The following MALRD1 variants were observed in gnomAD, a reference collection of about 807,000 sequenced individuals.
The protein encoded by MALRD1 is MAM and LDL-receptor class A domain-containing protein 1.
A neutral mutation model predicts 242.1 loss-of-function variants in MALRD1; 247 were observed. The observed-to-expected ratio is 1.02, with a 90% CI of 0.92 to 1.13. The LOEUF (loss-of-function observed/expected upper bound fraction) is 1.13. MALRD1 is among the 50% of genes most tolerant of loss of function. The pLI, the probability that MALRD1 is intolerant of heterozygous loss-of-function variation, is 0.00. For synonymous variants in MALRD1, 995 were observed against 866.6 expected, an observed-to-expected ratio of 1.15 and a Z score of -2.60; for missense variants, 2,989 against 2,533.1, an observed-to-expected ratio of 1.18 and a Z score of -3.86.
At chr10:19,381,797 C>T (rs1181109341) in intron 26 of MALRD1, among the ~76,000 whole-genome samples, 1 of 151,920 alleles carries the variant, frequency 6.6e-6, no homozygotes, top group Admixed American at 6.6e-5. Flanking sequence ...CGAGATTACG[C>T]CACTGCACTC....
At chr10:19,465,791 C>T (rs554908060) in intron 29 of MALRD1, among the ~76,000 whole-genome samples, 10 of 152,150 alleles carry the variant, frequency 6.6e-5, no homozygotes, top group Non-Finnish European at 1.3e-4. Context: ...GCTTTGGCCT[C>T]CCAAAGTGCT....
intron 31 of MALRD1, among the ~76,000 whole-genome samples, chr10:19,508,245 AC>A (rs1833232205): frequency 6.6e-6 from 1 of 152,194 alleles, no homozygotes; most frequent in South Asian, 2.1e-4. Flanking sequence ...TACTGAATAG[AC>A]AAAAAAGCTT....
In MALRD1 at chr10:19,567,503, T is replaced by G. The variant is rs769447341; in HGVS notation, c.5480T>G (p.Val1827Gly). 1.1e-4 allele frequency: 176 copies of G among 1,549,954 alleles called. No individual in the cohort carries two copies. Among genetic ancestry groups the G allele is most frequent in the Non-Finnish European group, 9.7e-5 (111 of 1,146,614 alleles). The change falls in exon 33 of 40, where the codon GTG (valine) becomes GGG (glycine). Residue 1827 changes from valine to glycine, a missense_variant and splice_region_variant. Transcript: ENST00000454679. Reference sequence around the variant, plus strand: ...GTTATTTTTTAATGATTTTTAAAGGTGTATACCATTGAAGAATCGGGGCTA... The same window carrying G: ...GTTATTTTTTAATGATTTTTAAAGGGGTATACCATTGAAGAATCGGGGCTA... ...IDPRSMGILK[V>G]YTIEESGLNI...
At chr10:19,160,261 C>G (rs1029686832) in intron 12 of MALRD1, among the ~76,000 whole-genome samples, 1 of 150,152 alleles carries the variant, frequency 6.7e-6, no homozygotes, top group African/African-American at 2.5e-5. Context: ...TGCTGGATTA[C>G]ATTTATTGAT....
At chr10:19,679,847 T>C (rs1300695951) in intron 36 of MALRD1, among the ~76,000 whole-genome samples, 1 of 152,188 alleles carries the variant, frequency 6.6e-6, no homozygotes, top group East Asian at 1.9e-4. Flanking sequence ...TTCTGGTACA[T>C]TGTCCCTTTG....
At chr10:19,586,462 C>A (rs1349729426) in intron 33 of MALRD1, among the ~76,000 whole-genome samples, 1 of 152,126 alleles carries the variant, frequency 6.6e-6, no homozygotes, top group African/African-American at 2.4e-5. Context: ...CCCTCAGCTG[C>A]AGGTCTGTTG....
chr10:19,078,699 T>A (rs1835393293), intron 2 of MALRD1, among the ~76,000 whole-genome samples: 1 of 151,896 alleles, frequency 6.6e-6, no homozygotes, highest in Non-Finnish European at 1.5e-5. Flanking sequence ...ACTCTCTTGT[T>A]ACAATCTATT....
At chr10:19,272,237 G>T (rs1411381418) in intron 19 of MALRD1, among the ~76,000 whole-genome samples, 1 of 151,962 alleles carries the variant, frequency 6.6e-6, no homozygotes, top group Non-Finnish European at 1.5e-5. Flanking sequence ...ATTAATCATA[G>T]AAGTAGTGAT....
At chr10:19,594,439 AG>A (rs1009035815) in intron 33 of MALRD1, among the ~76,000 whole-genome samples, 1 of 152,192 alleles carries the variant, frequency 6.6e-6, no homozygotes, top group Admixed American at 6.6e-5. Context: ...GATGCCTTAA[AG>A]AACTAAAAGT....
At chr10:19,344,720 T>TGGG (rs71507279) in intron 24 of MALRD1, among the ~76,000 whole-genome samples, 1 of 142,558 alleles carries the variant, frequency 7.0e-6, no homozygotes. Flanking sequence ...CCATGTCAAT[T>TGGG]GGGGGGGGGG....
intron 14 of MALRD1, among the ~76,000 whole-genome samples, chr10:19,182,013 T>C (rs1835527292): frequency 1.3e-5 from 2 of 152,072 alleles, no homozygotes; most frequent in Admixed American, 1.3e-4. Context: ...AGGTAAGTCC[T>C]CAGCAGCAAT....
chr10:19,440,063 C>G (rs1834548494), intron 28 of MALRD1, among the ~76,000 whole-genome samples: 1 of 152,204 alleles, frequency 6.6e-6, no homozygotes, highest in Non-Finnish European at 1.5e-5. Context: ...CATCTTACCA[C>G]TGTCTGATTG....
intron 33 of MALRD1, among the ~76,000 whole-genome samples, chr10:19,581,325 C>A (rs541585070): frequency 6.7e-6 from 1 of 149,658 alleles, no homozygotes; most frequent in Non-Finnish European, 1.5e-5. Flanking sequence ...CCCACTAACT[C>A]GTCATCTAGC....
intron 36 of MALRD1, among the ~76,000 whole-genome samples, chr10:19,651,928 G>T (rs1840912115): frequency 6.6e-6 from 1 of 152,168 alleles, no homozygotes; most frequent in African/African-American, 2.4e-5. Flanking sequence ...GGAGAACAAG[G>T]CTTGGGGTCT....
chr10:19,598,512 G>A (rs1047121958), intron 34 of MALRD1: 1 of 151,482 alleles, frequency 6.6e-6, no homozygotes, highest in African/African-American at 2.4e-5. Flanking sequence ...TTTCTAATTT[G>A]GACATCAGGT....
chr10:19,677,668 A>G (rs530707371), intron 36 of MALRD1, among the ~76,000 whole-genome samples: 30 of 152,172 alleles, frequency 2.0e-4, no homozygotes, highest in Non-Finnish European at 3.1e-4. Flanking sequence ...GCTCTTTAGT[A>G]TAATTAGATC....
intron 2 of MALRD1, among the ~76,000 whole-genome samples, chr10:19,078,528 C>T (rs1835387941): frequency 6.6e-6 from 1 of 151,782 alleles, no homozygotes; most frequent in African/African-American, 2.4e-5. Context: ...TTAAGGTAAT[C>T]GTGGCCTTAT....
chr10:19,645,073 T>G (rs1362810220), intron 36 of MALRD1, among the ~76,000 whole-genome samples: 1 of 152,220 alleles, frequency 6.6e-6, no homozygotes, highest in Non-Finnish European at 1.5e-5. Flanking sequence ...ATTTTCTCAT[T>G]TTCATAGTGT....
At chr10:19,487,680 C>T (rs1394046167) in intron 29 of MALRD1, among the ~76,000 whole-genome samples, 2 of 152,120 alleles carry the variant, frequency 1.3e-5, no homozygotes, top group Non-Finnish European at 2.9e-5. Flanking sequence ...TGTCCACATA[C>T]TGCCCTAGGG....
Sources: gnomAD v4.1 joint callset for allele counts (sites outside exome capture counted in the v4.1 genomes callset) on GRCh38, gnomAD v4.1.1 for gene constraint, MANE v1.5 for transcripts, NCBI Gene and HGNC (gene_info 2026-07-23, HGNC 2026-07-21) for gene names.